Variants in TBCD observed in about 807,000 individuals in gnomAD.
TBCD encodes tubulin-specific chaperone D.
Under a neutral mutation model 169.3 loss-of-function variants are expected in TBCD, and 105 were observed. The observed-to-expected ratio is 0.62, with a 90% CI of 0.53 to 0.73. The LOEUF is 0.73. Among genes scored for constraint, TBCD ranks in the 30% least tolerant of loss-of-function variants. The pLI, the probability that TBCD is intolerant of heterozygous loss-of-function variation, is 0.00. For synonymous variants in TBCD, 700 were observed against 643.9 expected, an observed-to-expected ratio of 1.09 and a Z score of -1.32; for missense variants, 1,444 against 1,600.1, an observed-to-expected ratio of 0.90 and a Z score of 1.66.
intron 14 of TBCD, 93 bp downstream of exon 14, chr17:82,870,473 T>C: frequency 6.9e-7 from 1 of 1,454,540 alleles, no homozygotes; most frequent in Non-Finnish European, 9.2e-7. Context: ...CAGCAGATGC[T>C]CGTGAAAAGG....
intron 13 of TBCD, among the ~76,000 whole-genome samples, chr17:82,867,020 CA>C (rs1405384475): frequency 6.6e-6 from 1 of 152,242 alleles, no homozygotes; most frequent in East Asian, 1.9e-4. Flanking sequence ...TGTGTCTGCA[CA>C]GCTGTCTCTG....
At chr17:82,780,119 G>T (rs1410317959) in intron 6 of TBCD, among the ~76,000 whole-genome samples, 1 of 152,188 alleles carries the variant, frequency 6.6e-6, no homozygotes, top group East Asian at 1.9e-4. Flanking sequence ...CGGCTGCTCT[G>T]CTTCGACCAT....
At chr17:82,775,336 G>T (rs992658228) in intron 6 of TBCD, among the ~76,000 whole-genome samples, 1 of 152,214 alleles carries the variant, frequency 6.6e-6, no homozygotes, top group Non-Finnish European at 1.5e-5. Flanking sequence ...GATGCCGTCA[G>T]TGGAAGAGCT....
At chr17:82,868,390 C>T (rs1203798184) in intron 13 of TBCD, among the ~76,000 whole-genome samples, 1 of 152,172 alleles carries the variant, frequency 6.6e-6, no homozygotes, top group East Asian at 1.9e-4. Context: ...GAATGTCCTG[C>T]TGCTCCCCCG....
intron 33 of TBCD, 126 bp from the exon 34 acceptor site, chr17:82,932,532 G>A (rs557826106): frequency 4.7e-5 from 36 of 767,640 alleles, no homozygotes; most frequent in African/African-American, 2.9e-4. Context: ...GAAGCTTTGC[G>A]TTTCCACGTA....
intron 7 of TBCD, among the ~76,000 whole-genome samples, chr17:82,792,356 TGCAC>T (rs2049799950): frequency 7.9e-6 from 1 of 126,144 alleles, no homozygotes; most frequent in Non-Finnish European, 1.7e-5. Context: ...TATACATGTG[TGCAC>T]ACACACACAC....
At chr17:82,940,069 G>A (rs1656968814) in intron 37 of TBCD, among the ~76,000 whole-genome samples, 2 of 152,176 alleles carry the variant, frequency 1.3e-5, no homozygotes, top group African/African-American at 2.4e-5. Context: ...TGAGTTGGGG[G>A]TGGGAGGGTC....
chr17:82,929,843 C>T (rs2380172), intron 32 of TBCD: 6 of 441,774 alleles, frequency 1.4e-5, no homozygotes, highest in East Asian at 4.7e-5. Context: ...GGTTCTAGAT[C>T]GGCCTCCGCC....
intron 5 of TBCD, among the ~76,000 whole-genome samples, chr17:82,771,987 A>G (rs1162605240): frequency 1.3e-5 from 2 of 152,162 alleles, no homozygotes; most frequent in African/African-American, 4.8e-5. Context: ...CAAAAATTAA[A>G]CACTAAAAAT....
chr17:82,873,056 C>T (rs1448153199), intron 14 of TBCD, among the ~76,000 whole-genome samples: 2 of 152,260 alleles, frequency 1.3e-5, no homozygotes, highest in Admixed American at 6.5e-5. Context: ...CGGGGCTCAG[C>T]GCTGCCTCGT....
chr17:82,781,539 G>A (rs369202954), intron 6 of TBCD, 50 bp from the exon 7 acceptor site: 67 of 1,605,206 alleles, frequency 4.2e-5, no homozygotes, highest in Non-Finnish European at 5.5e-5. Flanking sequence ...GGTGAGGCGT[G>A]GGCGAGGTCT....
At chr17:82,851,197 G>T (rs926804137) in intron 13 of TBCD, among the ~76,000 whole-genome samples, 1 of 152,156 alleles carries the variant, frequency 6.6e-6, no homozygotes, top group African/African-American at 2.4e-5. Context: ...TAAAGGAAAG[G>T]TGATAATTTT....
chr17:82,904,114 G>A (rs9674588), intron 19 of TBCD, among the ~76,000 whole-genome samples: 5 of 124,260 alleles, frequency 4.0e-5, no homozygotes, highest in Admixed American at 8.3e-5. Flanking sequence ...CCTGGTCTCT[G>A]GTTGGCATGC....
At chr17:82,866,464 T>A (rs1188234088) in intron 13 of TBCD, among the ~76,000 whole-genome samples, 3 of 152,264 alleles carry the variant, frequency 2.0e-5, no homozygotes, top group African/African-American at 7.2e-5. Context: ...CATCCTCAGC[T>A]TCTAGGACTC....
At chr17:82,778,307 A>T (rs1291526525) in intron 6 of TBCD, among the ~76,000 whole-genome samples, 1 of 151,824 alleles carries the variant, frequency 6.6e-6, no homozygotes, top group Non-Finnish European at 1.5e-5. Flanking sequence ...ATTCATTTCT[A>T]ATGCTCTGTG....
intron 26 of TBCD, among the ~76,000 whole-genome samples, chr17:82,924,525 G>A (rs577762827): frequency 5.3e-4 from 81 of 152,326 alleles, no homozygotes; most frequent in African/African-American, 1.7e-3. Context: ...TTGGCCCACA[G>A]TGTTCCTTTA....
At chr17:82,888,228 G>A (rs115825419) in intron 15 of TBCD, among the ~76,000 whole-genome samples, 1 of 152,198 alleles carries the variant, frequency 6.6e-6, no homozygotes, top group Non-Finnish European at 1.5e-5. Flanking sequence ...GTTGGTCTGC[G>A]TGTCTGTTCT....
chr17:82,767,681 G>A (rs2048082848), intron 4 of TBCD, among the ~76,000 whole-genome samples: 1 of 152,128 alleles, frequency 6.6e-6, no homozygotes, highest in African/African-American at 2.4e-5. Flanking sequence ...CCTCGGCCAG[G>A]CACGGTGGCT....
chr17:82,850,783 G>A (rs1483640012), intron 13 of TBCD, among the ~76,000 whole-genome samples: 2 of 152,246 alleles, frequency 1.3e-5, no homozygotes, highest in Admixed American at 1.3e-4. Context: ...GGCTTGTGGT[G>A]AGTCTGGACT....
Sources: gnomAD v4.1 joint callset for allele counts (sites outside exome capture counted in the v4.1 genomes callset) on GRCh38, gnomAD v4.1.1 for gene constraint, MANE v1.5 for transcripts, NCBI Gene and HGNC (gene_info 2026-07-23, HGNC 2026-07-21) for gene names.